PDE10A: variants seen among roughly 807,000 people sequenced by gnomAD.
The protein encoded by PDE10A is phosphodiesterase 10A, also known as cAMP and cAMP-inhibited cGMP 3',5'-cyclic phosphodiesterase 10A.
In PDE10A, 39 loss-of-function variants were observed where a neutral mutation model predicts 97.7. The ratio of observed to expected loss-of-function variants is 0.40; its 90% CI spans 0.31 to 0.52. The LOEUF (loss-of-function observed/expected upper bound fraction) is 0.52. Among genes scored for constraint, PDE10A ranks in the 20% least tolerant of loss-of-function variants. PDE10A has a pLI of 0.56. For missense variants in PDE10A, 731 were observed against 1,047.8 expected, an observed-to-expected ratio of 0.70 and a Z score of 4.17; for synonymous variants, 371 against 376.8, an observed-to-expected ratio of 0.98 and a Z score of 0.18.
In PDE10A at chr6:165,404,005, T is replaced by C. The variant is rs185353871; in HGVS notation, c.2077-7546A>G. Among the ~76,000 whole-genome samples the C allele has an allele frequency of 1.5e-3, 223 of 152,320 alleles. 2 individuals carry two copies. The highest frequency in any genetic ancestry group is 5.2e-3 in the African/African-American group (216 of 41,576). On this transcript the variant is annotated intron_variant, in intron 13 of 21. Coordinates refer to ENST00000539869, the MANE Select transcript of PDE10A (RefSeq NM_001385079.1). Reference sequence around the variant, plus strand: ...AAAAGGAATATGTTCTATTGTTTGATAGTACACTAGGAAAATTACACTTAA... The same window carrying C: ...AAAAGGAATATGTTCTATTGTTTGACAGTACACTAGGAAAATTACACTTAA...
rs556857207 is a variant in PDE10A at position 165,451,933 on chromosome 6, A to G, written c.1024-1571T>C. ...CTAGGTTGGCTGAAATCTGTTCCCAAAAGTGGCCAATGCTCAATGAAGTTG... is the reference window on the plus strand; with the variant it reads ...CTAGGTTGGCTGAAATCTGTTCCCAGAAGTGGCCAATGCTCAATGAAGTTG... On this transcript the variant is annotated intron_variant, in intron 3 of 21. Transcript: ENST00000539869. 4.6e-5 allele frequency among the ~76,000 whole-genome samples: 7 copies of G among 152,304 alleles called. No individual in the cohort carries two copies. The East Asian group carries it at 1.2e-3, about 25-fold the overall frequency.
intron 1 of PDE10A, among the ~76,000 whole-genome samples, chr6:165,740,569 G>C (rs541301376): frequency 1.3e-5 from 2 of 152,068 alleles, no homozygotes; most frequent in Admixed American, 6.6e-5. Context: ...TCCTGACCTC[G>C]TGATCCACCT....
At chr6:165,791,040 G>A (rs1778635870) in intron 1 of PDE10A, among the ~76,000 whole-genome samples, 1 of 151,968 alleles carries the variant, frequency 6.6e-6, no homozygotes, top group South Asian at 2.1e-4. Context: ...CAACTCCTGG[G>A]CTCAAGCAAT....
intron 1 of PDE10A, among the ~76,000 whole-genome samples, chr6:165,561,607 T>G (rs1784527330): frequency 6.6e-6 from 1 of 152,214 alleles, no homozygotes; most frequent in Non-Finnish European, 1.5e-5. Context: ...CAAATTAATG[T>G]GTTTTGAGTG....
intron 3 of PDE10A, 128 bp downstream of exon 3, chr6:165,482,187 C>G: frequency 1.3e-6 from 1 of 747,748 alleles, no homozygotes; most frequent in South Asian, 1.5e-5. Flanking sequence ...ATGAGTGATA[C>G]TTTGGAGAGG....
chr6:165,509,192 C>T lies in PDE10A; in HGVS notation c.995-26849G>A, dbSNP rs575339818. ...GAGGTATATATAAGTATTTTTTACA[C>T]GCACAGAATGTGTCATGATCGAGTC... On this transcript the variant is annotated intron_variant, in intron 2 of 21. Transcript: ENST00000539869. 1.4e-4 allele frequency among the ~76,000 whole-genome samples: 22 copies of T among 151,984 alleles called. No individual in the cohort carries two copies. The South Asian group carries it at 2.7e-3, about 19-fold the overall frequency.
chr6:165,380,167 GTTGAAACTAAAAAGT>G (rs1562401710), intron 17 of PDE10A, among the ~76,000 whole-genome samples: 2 of 152,230 alleles, frequency 1.3e-5, no homozygotes, highest in South Asian at 2.1e-4. Flanking sequence ...AAAACCCTTT[GTTGAAACTAAAAAGT>G]TTGAGATAAT....
At chr6:165,872,061 G>A (rs1238343647) in intron 1 of PDE10A, among the ~76,000 whole-genome samples, 1 of 152,098 alleles carries the variant, frequency 6.6e-6, no homozygotes, top group Non-Finnish European at 1.5e-5. Context: ...GTGTTCAATT[G>A]GATGCATTTT....
At chr6:165,858,490 C>A (rs747117103) in intron 1 of PDE10A, among the ~76,000 whole-genome samples, 23 of 152,212 alleles carry the variant, frequency 1.5e-4, no homozygotes, top group Non-Finnish European at 2.8e-4. Flanking sequence ...TGAGTTGCAG[C>A]AACGGTTTCA....
At chr6:165,768,167 C>T (rs557320193) in intron 1 of PDE10A, among the ~76,000 whole-genome samples, 18 of 152,182 alleles carry the variant, frequency 1.2e-4, no homozygotes, top group African/African-American at 4.3e-4. Flanking sequence ...TGTAAAAGCT[C>T]TTTATATATT....
chr6:165,546,108 A>T (rs1416429517), intron 1 of PDE10A, among the ~76,000 whole-genome samples: 1 of 152,098 alleles, frequency 6.6e-6, no homozygotes, highest in Admixed American at 6.5e-5. Flanking sequence ...CAAGCCATGA[A>T]GTAACATGGA....
At chr6:165,649,167 G>A (rs1343414885) in intron 1 of PDE10A, among the ~76,000 whole-genome samples, 1 of 152,190 alleles carries the variant, frequency 6.6e-6, no homozygotes, top group Non-Finnish European at 1.5e-5. Flanking sequence ...GCTTGCAAGG[G>A]GAGTGAAGAT....
At chr6:165,403,997 TTG>T (rs1226225704) in intron 13 of PDE10A, among the ~76,000 whole-genome samples, 1 of 152,236 alleles carries the variant, frequency 6.6e-6, no homozygotes, top group Non-Finnish European at 1.5e-5. Flanking sequence ...ATATGTTCTA[TTG>T]TTTGATAGTA....
chr6:165,985,904 A>T (rs1785185870), intron 1 of PDE10A, among the ~76,000 whole-genome samples: 1 of 151,052 alleles, frequency 6.6e-6, no homozygotes, highest in Admixed American at 6.6e-5. Flanking sequence ...GCATTATCTA[A>T]TCAGCTCACT....
intron 1 of PDE10A, among the ~76,000 whole-genome samples, chr6:165,692,259 T>C (rs79366209): frequency 9.5e-4 from 144 of 152,220 alleles, no homozygotes; most frequent in African/African-American, 3.4e-3. Flanking sequence ...CTATCCTCCA[T>C]GGTGAGATTA....
At chr6:165,570,826 A>C (rs1785015190) in intron 1 of PDE10A, among the ~76,000 whole-genome samples, 1 of 152,216 alleles carries the variant, frequency 6.6e-6, no homozygotes, top group Non-Finnish European at 1.5e-5. Context: ...CTGAATCAGC[A>C]AATACTTGAC....
chr6:165,518,816 G>A (rs902986834), intron 2 of PDE10A, among the ~76,000 whole-genome samples: 2 of 152,238 alleles, frequency 1.3e-5, no homozygotes, highest in South Asian at 2.1e-4. Flanking sequence ...AGTTACAGCC[G>A]CAGCACAAGA....
At chr6:165,525,850 T>C (rs948536821) in intron 2 of PDE10A, among the ~76,000 whole-genome samples, 2 of 137,536 alleles carry the variant, frequency 1.5e-5, no homozygotes, top group South Asian at 2.4e-4. Flanking sequence ...TAACTAATCA[T>C]GGTGTTCCTA....
chr6:165,679,665 G>C (rs1298816417), intron 1 of PDE10A, among the ~76,000 whole-genome samples: 1 of 152,182 alleles, frequency 6.6e-6, no homozygotes, highest in Non-Finnish European at 1.5e-5. Flanking sequence ...AGCCCATGAA[G>C]TTGCTGATTT....
Sources: gnomAD v4.1 joint callset for allele counts (sites outside exome capture counted in the v4.1 genomes callset) on GRCh38, gnomAD v4.1.1 for gene constraint, MANE v1.5 for transcripts, NCBI Gene and HGNC (gene_info 2026-07-23, HGNC 2026-07-21) for gene names.